Variants in SYCE1 observed in about 807,000 individuals in gnomAD.
SYCE1 encodes synaptonemal complex central element protein 1, also known as cancer/testis antigen 76.
A neutral mutation model predicts 55.1 loss-of-function variants in SYCE1; 37 were observed. That is an observed-to-expected ratio of 0.67 (90% CI 0.52 to 0.88). The LOEUF (loss-of-function observed/expected upper bound fraction) is 0.88. Among genes scored for constraint, SYCE1 ranks in the 40% least tolerant of loss-of-function variants. SYCE1 has a pLI of 0.00. For missense variants in SYCE1, 399 were observed against 416.4 expected, an observed-to-expected ratio of 0.96 and a Z score of 0.36; for synonymous variants, 163 against 159.4, an observed-to-expected ratio of 1.02 and a Z score of -0.17.
upstream of SYCE1, among the ~76,000 whole-genome samples, chr10:133,567,585 A>G (rs116536101): frequency 2.0e-5 from 3 of 151,904 alleles, no homozygotes; most frequent in African/African-American, 7.3e-5. Flanking sequence ...TTCCCCCCAA[A>G]TTCTTAAGTC....
intron 1 of SYCE1, among the ~76,000 whole-genome samples, chr10:133,562,229 TAA>T (rs1262967671): frequency 1.3e-5 from 2 of 151,640 alleles, no homozygotes; most frequent in African/African-American, 2.4e-5. Context: ...CTCAAATGGT[TAA>T]AAGTCATCTT....
At chr10:133,568,152 G>T, upstream of SYCE1, 1 of 872,956 alleles carries the variant, frequency 1.1e-6, no homozygotes, top group Non-Finnish European at 1.8e-6. Flanking sequence ...CAGAGGCACA[G>T]GCCGCCCGTG....
downstream of SYCE1, chr10:133,554,370 T>G: frequency 6.3e-7 from 1 of 1,594,314 alleles, no homozygotes; most frequent in South Asian, 1.1e-5. Flanking sequence ...TTCAATGCAT[T>G]CTGACTCAGG....
chr10:133,568,242 G>C, upstream of SYCE1: 1 of 1,405,360 alleles, frequency 7.1e-7, no homozygotes, highest in Non-Finnish European at 9.7e-7. Context: ...AGTCCTCCTC[G>C]TCCTCCAGGC....
intron 6 of SYCE1, 105 bp from the exon 7 acceptor site, chr10:133,557,261 T>G: frequency 2.3e-6 from 2 of 877,348 alleles, no homozygotes; most frequent in East Asian, 4.8e-5. Flanking sequence ...TCCCTCTACA[T>G]TAAGGTCCTT....
chr10:133,565,671 C>CG, upstream of SYCE1: 1 of 799,658 alleles, frequency 1.3e-6, no homozygotes, highest in Non-Finnish European at 1.9e-6. Context: ...GGTAATTCTC[C>CG]GGCAGGCCTG....
chr10:133,556,854 G>A (rs754246300), intron 7 of SYCE1, 32 bp from the exon 8 acceptor site: 1 of 1,604,238 alleles, frequency 6.2e-7, no homozygotes. Context: ...GAGGGGATAT[G>A]GGCTGAAATC....
intron 5 of SYCE1, 101 bp from the exon 6 acceptor site, chr10:133,558,019 G>T: frequency 6.5e-7 from 1 of 1,534,162 alleles, no homozygotes; most frequent in Non-Finnish European, 9.0e-7. Flanking sequence ...ACACCTGATT[G>T]AGCTTTAACA....
upstream of SYCE1, among the ~76,000 whole-genome samples, chr10:133,566,603 G>GAGGTTAGGGTTA (rs1554906605): frequency 1.0e-4 from 13 of 129,872 alleles, 1 homozygote; most frequent in African/African-American, 3.6e-4. Context: ...TTTTAGTGTT[G>GAGGTTAGGGTTA]GGGTTAGGGT....
In SYCE1 at chr10:133,560,057, T is replaced by A. The variant is rs767729981; in HGVS notation, c.136+34A>T. The A allele has an allele frequency of 1.5e-5, 24 of 1,605,790 alleles. No homozygotes were observed. The African/African-American group carries it at 2.1e-4, about 14-fold the overall frequency. On this transcript the variant is annotated intron_variant, in intron 2 of 12. Transcript: ENST00000343131. Reference sequence around the variant, plus strand: ...ACCCACATCTGCCTGGCCCCAAACCTCAGGCTGTGCCTCACACAAAGGAGA... The same window carrying A: ...ACCCACATCTGCCTGGCCCCAAACCACAGGCTGTGCCTCACACAAAGGAGA...
intron 1 of SYCE1, among the ~76,000 whole-genome samples, chr10:133,564,828 T>A (rs1340510438): frequency 2.0e-5 from 3 of 152,248 alleles, no homozygotes; most frequent in Non-Finnish European, 4.4e-5. Flanking sequence ...CACAGTGTCC[T>A]GAAGTGGAAA....
chr10:133,565,717 C>T (rs963181531), upstream of SYCE1: 16 of 577,432 alleles, frequency 2.8e-5, no homozygotes, highest in Non-Finnish European at 4.4e-5. Flanking sequence ...GGCGCGAGGG[C>T]TACAAACGCG....
downstream of SYCE1, chr10:133,554,234 A>C (rs974626364): frequency 1.0e-5 from 16 of 1,549,886 alleles, no homozygotes; most frequent in African/African-American, 1.4e-5. Context: ...GAATTTCTGC[A>C]CTTTGCCATG....
intron 8 of SYCE1, 190 bp downstream of exon 8, chr10:133,556,569 A>AT (rs1851688646): frequency 7.7e-6 from 5 of 645,558 alleles, no homozygotes; most frequent in Non-Finnish European, 1.4e-5. Context: ...CTCATCAGAG[A>AT]TCCCCCTGAC....
intron 1 of SYCE1, among the ~76,000 whole-genome samples, chr10:133,562,992 C>T (rs10857761): frequency 0.13 from 20,337 of 152,010 alleles, 1,327 homozygotes; most frequent in East Asian, 0.25. Context: ...GGCCGAGGCA[C>T]GGTTGAGAAG....
At position 133,557,916 on chromosome 10, in the gene SYCE1, T is replaced by C. The variant is rs1851727632; in HGVS notation, c.322A>G (p.Thr108Ala). ...CAATGCAGCCGGAGGATCCTCAGGG[T>C]CTCTGTAGGGAGAGCAACAGGGCCC... ...LKEILSKKQE[T>A]LRILRLHCQE... The change falls in exon 6 of 13, where the codon ACC becomes GCC. Residue 108 changes from threonine to alanine, a missense_variant and splice_region_variant. By Grantham distance (58) the Thr-to-Ala change is moderately conservative. Transcript: ENST00000343131. The C allele has an allele frequency of 6.2e-7, 1 of 1,613,900 alleles. No homozygotes were observed. Among genetic ancestry groups the C allele is most frequent in the East Asian group, 2.2e-5 (1 of 44,892 alleles).
At chr10:133,556,569 A>C in intron 8 of SYCE1, 190 bp downstream of exon 8, 1 of 645,558 alleles carries the variant, frequency 1.5e-6, no homozygotes, top group South Asian at 1.8e-5. Flanking sequence ...CTCATCAGAG[A>C]TCCCCCTGAC....
intron 1 of SYCE1, 74 bp downstream of exon 1, chr10:133,565,383 C>A: frequency 7.4e-7 from 1 of 1,344,016 alleles, no homozygotes; most frequent in Non-Finnish European, 9.9e-7. Context: ...AAGCAGCCGC[C>A]ACCCGCGCCC....
chr10:133,559,322 G>A lies in SYCE1; in HGVS notation c.175C>T (p.Arg59Trp), dbSNP rs375601938. 4.3e-5 allele frequency: 70 copies of A among 1,614,138 alleles called. No individual in the cohort carries two copies. Among genetic ancestry groups the A allele is most frequent in the Middle Eastern group, 1.6e-4 (1 of 6,062 alleles). ...TCACCTTGCTGGACCTCATTAATCC[G>A]GTTAATCAGGACCTCAACTCGGGGC... ...LEPRVEVLINRINEVQQAKKK... is the reference protein window; with the variant it reads ...LEPRVEVLINWINEVQQAKKK... The change falls in exon 3 of 13, where the codon CGG (arginine) becomes TGG (tryptophan). Residue 59 changes from arginine (R) to tryptophan (W), a missense_variant. Arg to Trp is a moderately radical substitution (Grantham distance 101, BLOSUM62 -3). Transcript: ENST00000343131.
Sources: allele counts gnomAD v4.1 joint callset (sites outside exome capture counted in the v4.1 genomes callset), GRCh38; gene constraint gnomAD v4.1.1; transcripts MANE v1.5; gene names NCBI Gene and HGNC (gene_info 2026-07-23, HGNC 2026-07-21).